Variants in TENM3 observed in about 807,000 individuals in gnomAD.
The protein encoded by TENM3 is teneurin-3.
Under a neutral mutation model 255.1 loss-of-function variants are expected in TENM3, and 63 were observed. The observed-to-expected ratio is 0.25, with a 90% CI of 0.20 to 0.30. The LOEUF is 0.30. Among genes scored for constraint, TENM3 ranks in the 10% least tolerant of loss-of-function variants. TENM3 has a pLI of 1.00. For missense variants in TENM3, 2,929 were observed against 3,461.1 expected (o/e 0.85, Z 3.86); for synonymous variants, 1,306 against 1,322.3 (o/e 0.99, Z 0.27).
upstream of TENM3, chr4:182,144,248 G>C (rs1431563420): frequency 6.6e-6 from 1 of 150,442 alleles, no homozygotes; most frequent in Non-Finnish European, 1.5e-5. Flanking sequence ...ACGCGCCCGG[G>C]CTCGGGCACA....
chr4:182,731,509 C>CA (rs1760702997), intron 16 of TENM3, among the ~76,000 whole-genome samples: 1 of 150,954 alleles, frequency 6.6e-6, no homozygotes, highest in South Asian at 2.1e-4. Context: ...GACCCTGTCT[C>CA]AAAAAAAGAC....
At chr4:181,825,149 T>C in the TENM3 span, among the ~76,000 whole-genome samples, 1 of 152,154 alleles carries the variant, frequency 6.6e-6, no homozygotes, top group East Asian at 1.9e-4. Context: ...ACGCCGATAA[T>C]CCCAGCACTT....
the TENM3 span, among the ~76,000 whole-genome samples, chr4:182,094,486 T>A: frequency 0.012 from 1,762 of 152,216 alleles, 35 homozygotes; most frequent in African/African-American, 0.025. Flanking sequence ...GACGTTGTGA[T>A]CCGCCCGCCT....
chr4:181,783,361 C>G, the TENM3 span, among the ~76,000 whole-genome samples: 1 of 152,104 alleles, frequency 6.6e-6, no homozygotes, highest in Non-Finnish European at 1.5e-5. Flanking sequence ...CTCTATCTTT[C>G]TCCTCTGACT....
At position 182,274,255 on chromosome 4, in the gene TENM3, C is replaced by T. The variant is rs556935112; in HGVS notation, c.-76+30779C>T. On this transcript the variant is annotated intron_variant, in intron 1 of 27. Coordinates refer to ENST00000511685, the MANE Select transcript of TENM3 (RefSeq NM_001080477.4). ...TACACTTGGTTTTGTACATTGTAGT[C>T]TTCTACATTTTTTATTTAGTGTCAT... 4.6e-5 allele frequency among the ~76,000 whole-genome samples: 7 copies of T among 152,282 alleles called. No homozygotes were observed. In the East Asian group the frequency reaches 7.7e-4, roughly 17 times the overall value.
intron 1 of TENM3, among the ~76,000 whole-genome samples, chr4:182,174,485 C>A (rs1348481631): frequency 2.4e-4 from 32 of 131,918 alleles, no homozygotes; most frequent in African/African-American, 9.1e-4. Context: ...CTAAGGAAAG[C>A]TTCCTTAGCT....
At chr4:181,497,356 T>C in the TENM3 span, among the ~76,000 whole-genome samples, 2 of 152,174 alleles carry the variant, frequency 1.3e-5, no homozygotes, top group South Asian at 4.1e-4. Context: ...TACTACCCTA[T>C]AGAAGATGCA....
chr4:181,803,410 C>T, the TENM3 span, among the ~76,000 whole-genome samples: 1 of 152,220 alleles, frequency 6.6e-6, no homozygotes, highest in Non-Finnish European at 1.5e-5. Flanking sequence ...CCACCTCCCT[C>T]ATTCTAGTTA....
intron 1 of TENM3, among the ~76,000 whole-genome samples, chr4:182,281,909 T>C (rs1002157700): frequency 2.0e-5 from 3 of 152,090 alleles, no homozygotes; most frequent in Non-Finnish European, 2.9e-5. Flanking sequence ...CTAATTTTGG[T>C]ATTTTTAGTA....
the TENM3 span, among the ~76,000 whole-genome samples, chr4:181,606,984 A>G: frequency 6.6e-6 from 1 of 152,160 alleles, no homozygotes. Context: ...ACAAGAGTGG[A>G]TAGCAGCCAG....
chr4:182,128,053 C>T, the TENM3 span, among the ~76,000 whole-genome samples: 1 of 151,896 alleles, frequency 6.6e-6, no homozygotes, highest in South Asian at 2.1e-4. Context: ...TATTATAGTA[C>T]TACTTTATAA....
intron 3 of TENM3, among the ~76,000 whole-genome samples, chr4:182,544,354 C>G (rs1434880125): frequency 1.1e-5 from 1 of 90,014 alleles, no homozygotes; most frequent in East Asian, 3.8e-4. Context: ...TTTTTTGAGA[C>G]TGAGTTTTGC....
At chr4:182,794,249 CAT>C (rs1184075674) in intron 26 of TENM3, among the ~76,000 whole-genome samples, 2 of 152,120 alleles carry the variant, frequency 1.3e-5, no homozygotes, top group East Asian at 3.9e-4. Flanking sequence ...GTAAGCAAGC[CAT>C]ATGTTTTTTG....
the TENM3 span, among the ~76,000 whole-genome samples, chr4:181,962,106 A>C: frequency 1.8e-4 from 27 of 152,352 alleles, no homozygotes; most frequent in African/African-American, 6.0e-4. Context: ...GCTTAAAAGC[A>C]GATTAAACTC....
At chr4:181,703,173 C>G in the TENM3 span, among the ~76,000 whole-genome samples, 1 of 152,228 alleles carries the variant, frequency 6.6e-6, no homozygotes, top group African/African-American at 2.4e-5. Context: ...AGGACACTGC[C>G]CCGACGCACG....
intron 1 of TENM3, among the ~76,000 whole-genome samples, chr4:182,210,297 C>T (rs1754922576): frequency 6.6e-6 from 1 of 152,052 alleles, no homozygotes. Flanking sequence ...AATTCAGCAC[C>T]TCAACATTGA....
chr4:181,554,479 G>A, the TENM3 span, among the ~76,000 whole-genome samples: 1 of 152,128 alleles, frequency 6.6e-6, no homozygotes. Context: ...TCTATGATGA[G>A]AACATAAATT....
At chr4:182,737,153 G>C (rs1274374547) in intron 17 of TENM3, 78 bp downstream of exon 17, 6 of 1,405,532 alleles carry the variant, frequency 4.3e-6, no homozygotes, top group Non-Finnish European at 5.9e-6. Flanking sequence ...GTAACCCAGG[G>C]AAGTCAGTGG....
the TENM3 span, among the ~76,000 whole-genome samples, chr4:181,655,161 C>T: frequency 6.6e-6 from 1 of 152,098 alleles, no homozygotes; most frequent in Non-Finnish European, 1.5e-5. Context: ...AGGAAGCTGC[C>T]AGTGAGAATC....
Sources: gnomAD v4.1 joint callset for allele counts (sites outside exome capture counted in the v4.1 genomes callset) on GRCh38, gnomAD v4.1.1 for gene constraint, MANE v1.5 for transcripts, NCBI Gene and HGNC (gene_info 2026-07-23, HGNC 2026-07-21) for gene names.